The following MEP1A variants were observed in gnomAD, a reference collection of about 807,000 sequenced individuals.
MEP1A encodes meprin A subunit alpha.
In MEP1A, 68 loss-of-function variants were observed where a neutral mutation model predicts 84.5. The observed-to-expected ratio is 0.80, with a 90% CI of 0.66 to 0.98. The LOEUF (loss-of-function observed/expected upper bound fraction) is 0.98. Ranked by LOEUF, MEP1A falls within the 50% of genes least tolerant of loss-of-function variation. The pLI is 0.00. For missense variants in MEP1A, 887 were observed against 919.9 expected (o/e 0.96, Z 0.46); for synonymous variants, 337 against 336.8 (o/e 1.00, Z -0.01).
chr6:46,825,564 C>T, intron 8 of MEP1A, 71 bp downstream of exon 8: 1 of 1,075,084 alleles, frequency 9.3e-7, no homozygotes. Context: ...TAGAGATTTC[C>T]TTTACATTTT....
At chr6:46,832,108 T>C (rs1002492281) in intron 10 of MEP1A, among the ~76,000 whole-genome samples, 15 of 152,198 alleles carry the variant, frequency 9.9e-5, no homozygotes, top group African/African-American at 3.4e-4. Context: ...TAAGTAGATA[T>C]CTGGTTAAAA....
rs1468470229 is a variant in MEP1A, at chr6:46,833,443, A to G, written c.1514A>G (p.Gln505Arg). The G allele has an allele frequency of 6.2e-7, 1 of 1,614,050 alleles. No individual in the cohort carries two copies. The change falls in exon 11 of 14, where the codon CAG (glutamine) becomes CGG (arginine). Residue 505 changes from glutamine (Q) to arginine (R), a missense_variant. Gln to Arg is a conservative substitution (Grantham distance 43). Coordinates refer to ENST00000230588, the MANE Select transcript of MEP1A (RefSeq NM_005588.3). ...CTGGAGTGGCCGGTAGAAAACAGAC[A>G]GGTGATAATTACCATCCTTGACCAG... The part of the protein sequence containing the change: ...AILEWPVENR[Q>R]VIITILDQEP...
At chr6:46,845,008 C>G in the MEP1A span, among the ~76,000 whole-genome samples, 1 of 152,166 alleles carries the variant, frequency 6.6e-6, no homozygotes, top group Admixed American at 6.5e-5. Flanking sequence ...GTCTTGCTAC[C>G]ATGTAAGACG....
rs10080818 is a variant in MEP1A, at chr6:46,821,477, T to A, written c.556+1773T>A. On this transcript the variant is annotated intron_variant, in intron 7 of 13. Transcript: ENST00000230588. ...AGTAATTGTGTTATAACTGTGTGTGTGTGTAGAAGGAAGAAGGAAATGGAG... is the reference window on the plus strand; with the variant it reads ...AGTAATTGTGTTATAACTGTGTGTGAGTGTAGAAGGAAGAAGGAAATGGAG... Among the ~76,000 whole-genome samples, 507 of 152,292 alleles carry A rather than the reference T, an allele frequency of 3.3e-3. 3 individuals are homozygous for A. The highest frequency in any genetic ancestry group is 0.011 in the African/African-American group (455 of 41,568).
downstream of MEP1A, among the ~76,000 whole-genome samples, chr6:46,842,503 C>A (rs1198477930): frequency 2.0e-5 from 3 of 152,130 alleles, no homozygotes; most frequent in African/African-American, 7.2e-5. Context: ...CCCTGGTCTC[C>A]TGCAGTACCC....
chr6:46,810,984 G>A (rs1767485404), intron 6 of MEP1A, among the ~76,000 whole-genome samples: 1 of 151,844 alleles, frequency 6.6e-6, no homozygotes, highest in African/African-American at 2.4e-5. Context: ...TTTTAGGATG[G>A]TTTTTCCAGG....
chr6:46,810,237 A>T (rs112369491), intron 6 of MEP1A, among the ~76,000 whole-genome samples: 8 of 152,194 alleles, frequency 5.3e-5, no homozygotes, highest in African/African-American at 1.4e-4. Flanking sequence ...ACATGTTTTC[A>T]TATGCCTGTT....
At chr6:46,836,269 T>C (rs148769805) in intron 13 of MEP1A, among the ~76,000 whole-genome samples, 394 of 152,326 alleles carry the variant, frequency 2.6e-3, no homozygotes, top group African/African-American at 8.8e-3. Flanking sequence ...CTTTTTATAA[T>C]GTTTGCTTGC....
intron 3 of MEP1A, among the ~76,000 whole-genome samples, chr6:46,797,871 TTTCCTTCCTTCCTTCCTTCC>T (rs1162981215): frequency 9.3e-6 from 1 of 106,954 alleles, no homozygotes; most frequent in Non-Finnish European, 1.9e-5. Context: ...ACTTTCTACC[TTTCCTTCCTTCCTTCCTTCC>T]TTCCTTCCTT....
chr6:46,826,171 G>C lies in MEP1A; in HGVS notation c.779-183G>C, dbSNP rs115450454. ...TTGACTCTGTGAGGTAGGTAGGGCT[G>C]TGTCTATATATTAGCAAGTACTAAG... On this transcript the variant is annotated intron_variant, in intron 8 of 13. Coordinates refer to ENST00000230588, the MANE Select transcript of MEP1A (RefSeq NM_005588.3). 4.4e-3 allele frequency among the ~76,000 whole-genome samples: 670 copies of C among 152,270 alleles called. 2 individuals are homozygous for C. The highest frequency in any genetic ancestry group is 7.7e-3 in the Non-Finnish European group (525 of 68,022).
chr6:46,824,326 G>C (rs1488188287), intron 7 of MEP1A, among the ~76,000 whole-genome samples: 1 of 150,494 alleles, frequency 6.6e-6, no homozygotes, highest in African/African-American at 2.4e-5. Flanking sequence ...GTGTAAACAT[G>C]TACATGTATT....
At chr6:46,843,781 C>T (rs918661141), downstream of MEP1A, among the ~76,000 whole-genome samples, 4 of 152,166 alleles carry the variant, frequency 2.6e-5, no homozygotes, top group Non-Finnish European at 5.9e-5. Context: ...TGAATTATAT[C>T]ATCTGTTTTA....
chr6:46,842,791 G>A (rs186959100), downstream of MEP1A, among the ~76,000 whole-genome samples: 65 of 152,138 alleles, frequency 4.3e-4, no homozygotes, highest in Non-Finnish European at 7.8e-4. Context: ...GGGACATAAC[G>A]GACCTACTGA....
At chr6:46,808,467 C>A (rs921325303) in intron 5 of MEP1A, among the ~76,000 whole-genome samples, 10 of 152,176 alleles carry the variant, frequency 6.6e-5, no homozygotes, top group Non-Finnish European at 5.9e-5. Context: ...AGAGAAAGCA[C>A]TAAATCAAAT....
At chr6:46,841,709 C>G (rs1412750026), downstream of MEP1A, among the ~76,000 whole-genome samples, 1 of 152,200 alleles carries the variant, frequency 6.6e-6, no homozygotes, top group African/African-American at 2.4e-5. Flanking sequence ...GCATCCTTTC[C>G]TTCTGTGAAC....
Position 46,829,583 on chromosome 6 carries a change from C to A in MEP1A, c.1144+12C>A, listed in dbSNP as rs765555918. Reference sequence around the variant, plus strand: ...GCAGACTTTTCAAGGTACTTAGAGGCATTCACACGAGGAATGGATTGGGTT... The same window carrying A: ...GCAGACTTTTCAAGGTACTTAGAGGAATTCACACGAGGAATGGATTGGGTT... On this transcript the variant is annotated intron_variant, in intron 10 of 13. Transcript: ENST00000230588. The A allele has an allele frequency of 1.9e-6, 3 of 1,600,994 alleles. No homozygotes were observed. Among genetic ancestry groups the A allele is most frequent in the Non-Finnish European group, 2.6e-6 (3 of 1,168,206 alleles).
chr6:46,835,846 T>C (rs1357520319), intron 13 of MEP1A, among the ~76,000 whole-genome samples: 6 of 152,222 alleles, frequency 3.9e-5, no homozygotes. Context: ...ACACCCAAGA[T>C]GGCTTCTAGC....
Position 46,835,278 on chromosome 6 carries a change from C to T in MEP1A, c.1813C>T (p.Pro605Ser), listed in dbSNP as rs1392144665. The change falls in exon 13 of 14, where the codon CCC becomes TCC. Residue 605 changes from proline (P) to serine (S), a missense_variant. Coordinates refer to ENST00000230588, the MANE Select transcript of MEP1A (RefSeq NM_005588.3). ...DITHLSQTEVPTKGKRLSPQG... is the reference protein window; with the variant it reads ...DITHLSQTEVSTKGKRLSPQG... Reference sequence around the variant, plus strand: ...CACCCACCTCAGCCAGACTGAAGTTCCCACTAAAGGCAAAAGACTGAGCCC... The same window carrying T: ...CACCCACCTCAGCCAGACTGAAGTTTCCACTAAAGGCAAAAGACTGAGCCC... 3.1e-6 allele frequency: 5 copies of T among 1,602,390 alleles called. No homozygotes were observed. The highest frequency in any genetic ancestry group is 3.4e-6 in the Non-Finnish European group (4 of 1,175,020).
chr6:46,797,935 C>CTTCT (rs1282767537), intron 3 of MEP1A, among the ~76,000 whole-genome samples: 147 of 20,446 alleles, frequency 7.2e-3, no homozygotes, highest in East Asian at 0.039. Context: ...TCCTTCTTTC[C>CTTCT]TTCCTTCCTT....
Sources: gnomAD v4.1 joint callset for allele counts (sites outside exome capture counted in the v4.1 genomes callset) on GRCh38, gnomAD v4.1.1 for gene constraint, MANE v1.5 for transcripts, NCBI Gene and HGNC (gene_info 2026-07-23, HGNC 2026-07-21) for gene names.